CLVS1: variants seen among roughly 807,000 people sequenced by gnomAD.
CLVS1 encodes clavesin 1, also known as clavesin-1.
A neutral mutation model predicts 33.1 loss-of-function variants in CLVS1; 10 were observed. The observed-to-expected ratio is 0.30, with a 90% CI of 0.19 to 0.51. The LOEUF (loss-of-function observed/expected upper bound fraction) is 0.51. Among genes scored for constraint, CLVS1 ranks in the 20% least tolerant of loss-of-function variants. The pLI, the probability that CLVS1 is intolerant of heterozygous loss-of-function variation, is 0.97. For synonymous variants in CLVS1, 163 were observed against 166.1 expected, an observed-to-expected ratio of 0.98 and a Z score of 0.14; for missense variants, 343 against 433.4, an observed-to-expected ratio of 0.79 and a Z score of 1.85.
intron 2 of CLVS1, among the ~76,000 whole-genome samples, chr8:61,164,707 CCA>C (rs1806820917): frequency 6.6e-6 from 1 of 152,182 alleles, no homozygotes; most frequent in African/African-American, 2.4e-5. Flanking sequence ...ACTTCTCCCC[CCA>C]CACACGAGGT....
chr8:61,077,517 C>T (rs2129281819), intron 1 of CLVS1, among the ~76,000 whole-genome samples: 1 of 149,072 alleles, frequency 6.7e-6, no homozygotes, highest in African/African-American at 2.5e-5. Flanking sequence ...ACTCTGTGGC[C>T]CAGGCTGGAG....
intron 2 of CLVS1, among the ~76,000 whole-genome samples, chr8:61,226,062 T>A (rs1808321921): frequency 6.6e-6 from 1 of 152,210 alleles, no homozygotes; most frequent in African/African-American, 2.4e-5. Flanking sequence ...GTAAGCTTTT[T>A]AAGAAGAAAA....
chr8:61,071,412 C>A (rs1470393350), intron 1 of CLVS1, among the ~76,000 whole-genome samples: 1 of 152,200 alleles, frequency 6.6e-6, no homozygotes. Context: ...CCCTTCCTGG[C>A]ATCACGTTAA....
chr8:61,425,313 G>A (rs1203653281), intron 3 of CLVS1, among the ~76,000 whole-genome samples: 1 of 152,100 alleles, frequency 6.6e-6, no homozygotes, highest in Non-Finnish European at 1.5e-5. Flanking sequence ...TGGGTAGGAT[G>A]TTAATCCCCT....
At chr8:61,456,528 CT>C (rs979695936) in intron 4 of CLVS1, among the ~76,000 whole-genome samples, 1 of 152,198 alleles carries the variant, frequency 6.6e-6, no homozygotes, top group Non-Finnish European at 1.5e-5. Context: ...TCCCCTTCAT[CT>C]TTAAATGATG....
chr8:61,183,492 AT>A (rs199770866), intron 2 of CLVS1, among the ~76,000 whole-genome samples: 24 of 151,864 alleles, frequency 1.6e-4, no homozygotes, highest in East Asian at 1.9e-4. Context: ...CAGACAGTTA[AT>A]TTTTTTTATC....
intron 1 of CLVS1, among the ~76,000 whole-genome samples, chr8:61,079,914 G>A (rs1341367271): frequency 6.6e-6 from 1 of 152,154 alleles, no homozygotes; most frequent in Non-Finnish European, 1.5e-5. Flanking sequence ...ATAAAAAGAA[G>A]TCAGTAGAAA....
chr8:61,152,929 C>T (rs1806569534), intron 2 of CLVS1, among the ~76,000 whole-genome samples: 1 of 152,090 alleles, frequency 6.6e-6, no homozygotes, highest in Admixed American at 6.6e-5. Flanking sequence ...AATCCAAACA[C>T]TTTCAGAAGG....
chr8:61,434,069 G>T (rs1437973196), intron 3 of CLVS1, among the ~76,000 whole-genome samples: 2 of 152,156 alleles, frequency 1.3e-5, no homozygotes, highest in African/African-American at 4.8e-5. Flanking sequence ...TGCAGGACAT[G>T]AAGCTGAAGT....
chr8:61,059,390 C>G (rs1433872420), intron 1 of CLVS1, among the ~76,000 whole-genome samples: 5 of 145,342 alleles, frequency 3.4e-5, no homozygotes, highest in Non-Finnish European at 7.5e-5. Flanking sequence ...TTTTTTTATT[C>G]CTGAGTGTTG....
chr8:61,220,280 T>G (rs1221729542), intron 2 of CLVS1, among the ~76,000 whole-genome samples: 1 of 152,146 alleles, frequency 6.6e-6, no homozygotes, highest in Non-Finnish European at 1.5e-5. Flanking sequence ...TCCAGGATTT[T>G]TATGGCTTTG....
intron 5 of CLVS1, among the ~76,000 whole-genome samples, chr8:61,463,955 C>T (rs1452724881): frequency 1.3e-5 from 2 of 151,574 alleles, no homozygotes; most frequent in East Asian, 3.9e-4. Flanking sequence ...TGCCTATAGT[C>T]CTAGCTACTC....
At chr8:61,292,446 C>T (rs752699758) in intron 1 of CLVS1, 44 of 455,298 alleles carry the variant, frequency 9.7e-5, no homozygotes, top group South Asian at 6.4e-4. Flanking sequence ...AGTTAATGGC[C>T]GTTTTTGGGT....
intron 2 of CLVS1, among the ~76,000 whole-genome samples, chr8:61,161,798 C>G (rs1307125769): frequency 6.6e-6 from 1 of 152,124 alleles, no homozygotes. Context: ...TAAATGTTCT[C>G]ATCGCAAAAA....
chr8:61,364,116 C>G (rs1238829962), intron 2 of CLVS1, among the ~76,000 whole-genome samples: 1 of 152,202 alleles, frequency 6.6e-6, no homozygotes, highest in Non-Finnish European at 1.5e-5. Context: ...CTTTTCTCCT[C>G]AGGGGAATAT....
At chr8:60,983,952 G>T in the CLVS1 span, among the ~76,000 whole-genome samples, 1 of 152,184 alleles carries the variant, frequency 6.6e-6, no homozygotes, top group Non-Finnish European at 1.5e-5. Flanking sequence ...TTCAGAACAT[G>T]AACATTTTCC....
At chr8:61,317,342 A>G (rs1585794065) in intron 2 of CLVS1, among the ~76,000 whole-genome samples, 1 of 151,936 alleles carries the variant, frequency 6.6e-6, no homozygotes, top group East Asian at 1.9e-4. Context: ...CAATGACCTT[A>G]CTCCCTTTCC....
In CLVS1 at chr8:61,181,836, A is replaced by T. The variant is rs112902374; in HGVS notation, c.-152+49976A>T. Among the ~76,000 whole-genome samples, 183 of 151,418 alleles carry T rather than the reference A, an allele frequency of 1.2e-3. 2 individuals carry two copies. The highest frequency in any genetic ancestry group is 4.3e-3 in the African/African-American group (178 of 41,272). Reference sequence around the variant, plus strand: ...TGCCTCAGCCTCCCGAGTAGCTGGGACTACAGGTGCCCGCCACTGTGCCCG... The same window carrying T: ...TGCCTCAGCCTCCCGAGTAGCTGGGTCTACAGGTGCCCGCCACTGTGCCCG... On this transcript the variant is annotated intron_variant, in intron 2 of 2. Coordinates refer to the CLVS1 transcript ENST00000522621.
chr8:61,167,597 A>T (rs1175989760), intron 2 of CLVS1, among the ~76,000 whole-genome samples: 1 of 152,210 alleles, frequency 6.6e-6, no homozygotes, highest in Non-Finnish European at 1.5e-5. Flanking sequence ...CGTTTGAACT[A>T]CAGCAACTCC....
Sources: gnomAD v4.1 joint callset for allele counts (sites outside exome capture counted in the v4.1 genomes callset) on GRCh38, gnomAD v4.1.1 for gene constraint, MANE v1.5 for transcripts, NCBI Gene and HGNC (gene_info 2026-07-23, HGNC 2026-07-21) for gene names.